Variants in SYNPO observed in about 807,000 individuals in gnomAD.
SYNPO encodes synaptopodin.
In SYNPO, 19 loss-of-function variants were observed where a neutral mutation model predicts 49.5. The ratio of observed to expected loss-of-function variants is 0.38; its 90% confidence interval spans 0.27 to 0.56. SYNPO has a LOEUF of 0.56. SYNPO is among the 20% of genes least tolerant of loss of function. SYNPO has a pLI of 0.68. For missense variants in SYNPO, 1,131 were observed against 1,248.3 expected (o/e 0.91, Z 1.42); for synonymous variants, 536 against 548.0 (o/e 0.98, Z 0.31).
chr5:150,598,179 C>T (rs1756457869), upstream of SYNPO, among the ~76,000 whole-genome samples: 1 of 152,108 alleles, frequency 6.6e-6, no homozygotes, highest in South Asian at 2.1e-4. Flanking sequence ...TACCTCCTTC[C>T]ATCTGAGAGT....
intron 2 of SYNPO, among the ~76,000 whole-genome samples, chr5:150,619,972 G>T (rs914642356): frequency 6.6e-6 from 1 of 152,038 alleles, no homozygotes; most frequent in African/African-American, 2.4e-5. Context: ...TTGGAGGTGG[G>T]CCCTCACACC....
At chr5:150,587,922 A>T in the SYNPO span, among the ~76,000 whole-genome samples, 2 of 151,942 alleles carry the variant, frequency 1.3e-5, no homozygotes, top group Non-Finnish European at 2.9e-5. Flanking sequence ...CCAGGGGCAA[A>T]ATCTAGCTAT....
chr5:150,623,562 A>G (rs928991314), intron 2 of SYNPO, among the ~76,000 whole-genome samples: 2 of 151,766 alleles, frequency 1.3e-5, no homozygotes, highest in African/African-American at 4.8e-5. Context: ...CAAGATGATG[A>G]GAGCAGAGCA....
At chr5:150,607,377 TG>T (rs1364405578) in intron 1 of SYNPO, among the ~76,000 whole-genome samples, 1 of 152,174 alleles carries the variant, frequency 6.6e-6, no homozygotes, top group Non-Finnish European at 1.5e-5. Flanking sequence ...CCTGTAATAT[TG>T]GGGTCAGTTT....
At chr5:150,593,811 T>C in the SYNPO span, among the ~76,000 whole-genome samples, 26 of 152,198 alleles carry the variant, frequency 1.7e-4, no homozygotes, top group African/African-American at 6.0e-4. Flanking sequence ...GGTTGGCCAG[T>C]GCTGGCTGGA....
chr5:150,635,652 G>A (rs998905361), intron 2 of SYNPO, among the ~76,000 whole-genome samples: 3 of 152,032 alleles, frequency 2.0e-5, no homozygotes, highest in Non-Finnish European at 4.4e-5. Flanking sequence ...TTGTAGAGAC[G>A]GGGTTTCACC....
intron 1 of SYNPO, among the ~76,000 whole-genome samples, chr5:150,647,577 G>A (rs963872706): frequency 6.6e-6 from 1 of 152,202 alleles, no homozygotes; most frequent in Non-Finnish European, 1.5e-5. Flanking sequence ...AGAGCCTAGT[G>A]AGAGAGGAGA....
chr5:150,646,239 C>T (rs897088291), intron 1 of SYNPO, among the ~76,000 whole-genome samples: 18 of 151,252 alleles, frequency 1.2e-4, no homozygotes, highest in African/African-American at 3.4e-4. Context: ...TTTGGGAGGC[C>T]GAGGTGGGAG....
chr5:150,608,563 A>T (rs74716524), intron 1 of SYNPO: 1 of 150,134 alleles, frequency 6.7e-6, no homozygotes, highest in African/African-American at 2.4e-5. Flanking sequence ...TTTTTAATAC[A>T]TTTTTTTTTT....
intron 2 of SYNPO, among the ~76,000 whole-genome samples, chr5:150,620,847 C>G (rs1276438938): frequency 6.6e-6 from 1 of 152,022 alleles, no homozygotes; most frequent in African/African-American, 2.4e-5. Flanking sequence ...TGATTGTGTT[C>G]TTGCCTGGAA....
chr5:150,590,962 C>T, the SYNPO span, among the ~76,000 whole-genome samples: 1 of 152,122 alleles, frequency 6.6e-6, no homozygotes, highest in Non-Finnish European at 1.5e-5. Context: ...GGAATTAGCT[C>T]CTTTTCTGCC....
Position 150,640,807 on chromosome 5 carries a change from G to A in SYNPO, c.-380G>A, listed in dbSNP as rs1055814125. The A allele has an allele frequency of 7.1e-6, 7 of 985,584 alleles. No individual in the cohort carries two copies. The South Asian group carries it at 1.4e-4, about 20-fold the overall frequency. The allele number at this position is 985,584 out of a possible 1,614,324, so 61.1% of individuals were successfully genotyped here. A position where few individuals can be genotyped will look rare whatever the true frequency, so the allele number is the denominator to read the frequency against. ...CTTTGAGAACCAAGGCTTGAAGGCCGGCAGGAGCATCCAGGGGGAAGCTTG... is the reference window on the plus strand; with the variant it reads ...CTTTGAGAACCAAGGCTTGAAGGCCAGCAGGAGCATCCAGGGGGAAGCTTG... On this transcript the variant is annotated 5_prime_UTR_variant, in exon 1 of 3. Coordinates refer to ENST00000307662, the MANE Select transcript of SYNPO (RefSeq NM_007286.6).
Position 150,609,094 on chromosome 5 carries a change from C to T in SYNPO, c.-266+7906C>T, listed in dbSNP as rs149942404. Among the ~76,000 whole-genome samples the T allele has an allele frequency of 5.5e-4, 84 of 152,286 alleles. No homozygotes were observed. In the East Asian group the frequency reaches 0.012, roughly 22 times the overall value. On this transcript the variant is annotated intron_variant, in intron 1 of 2. Transcript: ENST00000394243. ...GAAAAAAAAGCTTTGATTTGTAGCA[C>T]CTGCCAGTTTCTGTGGTGTAACTAC...
At chr5:150,639,877 A>G (rs1277218924), upstream of SYNPO, among the ~76,000 whole-genome samples, 2 of 152,216 alleles carry the variant, frequency 1.3e-5, no homozygotes, top group Non-Finnish European at 2.9e-5. Flanking sequence ...GGGGGAAAAT[A>G]GGGCCCAGAC....
Position 150,647,934 on chromosome 5 carries a change from C to T in SYNPO, c.-332-10C>T. On this transcript the variant is annotated splice_polypyrimidine_tract_variant and intron_variant, in intron 1 of 2. Transcript: ENST00000307662. ...CTGTTTGCTAACTGGGCTTTTGTCC[C>T]TCCCTGTAGCGTTGGGCCGGAGCAC... The T allele has an allele frequency of 2.6e-6, 4 of 1,548,574 alleles. No homozygotes were observed. The highest frequency in any genetic ancestry group is 2.6e-6 in the Non-Finnish European group (3 of 1,144,468).
intron 2 of SYNPO, chr5:150,653,365 ATTG>A (rs1758455798): frequency 6.6e-6 from 1 of 151,706 alleles, no homozygotes; most frequent in Admixed American, 6.5e-5. Context: ...TCTTGGCTGA[ATTG>A]TTATTTCTTC....
chr5:150,647,235 ACTC>A (rs1170306543), intron 1 of SYNPO, among the ~76,000 whole-genome samples: 1 of 141,016 alleles, frequency 7.1e-6, no homozygotes, highest in Admixed American at 7.0e-5. Context: ...AAGAGCAAAA[ACTC>A]CTTCTCAAAA....
chr5:150,599,150 G>A (rs75572712), upstream of SYNPO, among the ~76,000 whole-genome samples: 12 of 152,348 alleles, frequency 7.9e-5, no homozygotes, highest in East Asian at 2.3e-3. Flanking sequence ...CAAAATTCCA[G>A]ACAGGGAAAT....
At chr5:150,603,000 GTGTGTGT>G (rs1561629760) in intron 1 of SYNPO, among the ~76,000 whole-genome samples, 67 of 122,264 alleles carry the variant, frequency 5.5e-4, no homozygotes, top group African/African-American at 2.1e-3. Flanking sequence ...ACCTTAGGGT[GTGTGTGT>G]GTGTGTGTGT....
Sources: allele counts gnomAD v4.1 joint callset (sites outside exome capture counted in the v4.1 genomes callset), GRCh38; gene constraint gnomAD v4.1.1; transcripts MANE v1.5; gene names NCBI Gene and HGNC (gene_info 2026-07-23, HGNC 2026-07-21).